ZNF318: variants seen among roughly 807,000 people sequenced by gnomAD.
ZNF318 encodes the protein zinc finger protein 318, also known as endocrine regulator.
A neutral mutation model predicts 124.2 loss-of-function variants in ZNF318; 51 were observed. The ratio of observed to expected loss-of-function variants is 0.41; its 90% CI spans 0.33 to 0.52. The LOEUF (loss-of-function observed/expected upper bound fraction) is 0.52, where lower values mean the gene tolerates loss of function less well. ZNF318 is among the 20% of genes least tolerant of loss of function. ZNF318 has a pLI of 0.23. For missense variants in ZNF318, 2,815 were observed against 2,811.2 expected, an observed-to-expected ratio of 1.00 and a Z score of -0.03; for synonymous variants, 1,090 against 1,040.7, an observed-to-expected ratio of 1.05 and a Z score of -0.91.
In ZNF318 at chr6:43,344,319, C is replaced by T. The variant is rs141473544; in HGVS notation, c.3073-1440G>A. 5.1e-4 allele frequency among the ~76,000 whole-genome samples: 77 copies of T among 152,206 alleles called. No homozygotes were observed. The East Asian group carries it at 0.015, about 29-fold the overall frequency. ...TTACATACCTCAAAATACTGTATAC[C>T]CTTTAACCCAGCAATTCACTCCTTG... On this transcript the variant is annotated intron_variant, in intron 6 of 9. Coordinates refer to ENST00000361428, the MANE Select transcript of ZNF318 (RefSeq NM_014345.3).
intron 2 of ZNF318, among the ~76,000 whole-genome samples, chr6:43,362,516 G>GTAT (rs1779695545): frequency 1.1e-5 from 1 of 88,942 alleles, no homozygotes; most frequent in African/African-American, 4.3e-5. Context: ...CTACATACAC[G>GTAT]TCTTTTTTTT....
chr6:43,354,571 G>T, intron 4 of ZNF318, 93 bp downstream of exon 4: 1 of 1,187,986 alleles, frequency 8.4e-7, no homozygotes, highest in Non-Finnish European at 1.2e-6. Context: ...AAGTGAAAGA[G>T]CCTTACAAAT....
At position 43,339,636 on chromosome 6, in the gene ZNF318, TGGTGGAGGTGGTGGA is replaced by T; in HGVS notation, c.4347_4361del (p.Pro1452_Pro1456del). On this transcript the variant is annotated inframe_deletion, in exon 10 of 10. Coordinates refer to ENST00000361428, the MANE Select transcript of ZNF318 (RefSeq NM_014345.3). The surrounding 1 kb of genome is among the most constrained non-coding windows in gnomAD (Gnocchi z 4.2). ...CAGCTGGATGAGGTATAACGGGGGG[TGGTGGAGGTGGTGGA>T]GGTGGGGGTGGTGGAGGAGGTGGTA... 3 of 1,137,098 alleles carry T rather than the reference TGGTGGAGGTGGTGGA, an allele frequency of 2.6e-6. No individual in the cohort carries two copies. The highest frequency in any genetic ancestry group is 3.6e-6 in the Non-Finnish European group (3 of 841,158). The allele number at this position is 1,137,098 out of a possible 1,614,324, so 70.4% of individuals were successfully genotyped here.
chr6:43,338,023 G>A lies in ZNF318; in HGVS notation c.5975C>T (p.Thr1992Ile). The A allele has an allele frequency of 6.2e-7, 1 of 1,614,124 alleles. No individual in the cohort carries two copies. The highest frequency in any genetic ancestry group is 8.5e-7 in the Non-Finnish European group (1 of 1,180,022). Residue 1992 changes from threonine (T) to isoleucine (I), a missense_variant, in exon 10 of 10, where the codon ACA (threonine) becomes ATA (isoleucine). Around this residue, in one of 4 missense-constraint regions of ZNF318, gnomAD observed 927 missense variants for 820.6 expected, o/e 1.13. Transcript: ENST00000361428. ...GTCTTCTAGGGCCTTGCTTTCTATT[G>A]TCACTGTTAACTCTGGATGGACATC... ...LQDVHPELTV[T>I]IESKALEDFE... is the part of the protein sequence containing the mutation.
At position 43,339,486 on chromosome 6, in the gene ZNF318, G is replaced by A. The variant is rs778728922; in HGVS notation, c.4512C>T (p.Ile1504=). 2 of 1,614,144 alleles carry A rather than the reference G, an allele frequency of 1.2e-6. No individual in the cohort carries two copies. The highest frequency in any genetic ancestry group is 8.5e-7 in the Non-Finnish European group (1 of 1,180,032). Residue 1504 remains isoleucine, a synonymous_variant, in exon 10 of 10, where the codon ATC becomes ATT. Transcript: ENST00000361428. This position sits in a 1 kb window ranked among gnomAD's most constrained non-coding sequence, Gnocchi z 4.2. ...TGGCAGCTGGCTGTGCTGAGGCCAT[G>A]ATGGCTACAGGCAACACTGGGTTCA... is the stretch of plus-strand genomic sequence containing the variant. The part of the protein sequence containing the change: ...NILNPVLPVA[I]MASAQPAAIP...
At chr6:43,348,890 C>T (rs1171174052) in intron 5 of ZNF318, among the ~76,000 whole-genome samples, 6 of 151,958 alleles carry the variant, frequency 3.9e-5, no homozygotes, top group African/African-American at 9.7e-5. Context: ...AAAAATTAGC[C>T]GGGCATGGGG....
At chr6:43,346,561 T>C (rs1039439957) in intron 6 of ZNF318, among the ~76,000 whole-genome samples, 14 of 144,098 alleles carry the variant, frequency 9.7e-5, no homozygotes, top group African/African-American at 3.6e-4. Flanking sequence ...TCTCATTTAG[T>C]GGAGACAGAC....
At position 43,338,520 on chromosome 6, in the gene ZNF318, G is replaced by A. The variant is rs1489509689; in HGVS notation, c.5478C>T (p.Pro1826=). Residue 1826 remains proline, a synonymous_variant, in exon 10 of 10, where the codon CCC becomes CCT. Coordinates refer to ENST00000361428, the MANE Select transcript of ZNF318 (RefSeq NM_014345.3). The part of the protein sequence containing the change: ...RYMWEGEVKQ[P]NLLMIDKEAE... The stretch of plus-strand genomic sequence containing the variant: ...CCTCTTTGTCAATCATTAGCAAGTT[G>A]GGCTGTTTTACTTCTCCCTCCCACA... 5 of 1,614,100 alleles carry A rather than the reference G, an allele frequency of 3.1e-6. No individual in the cohort carries two copies. In the South Asian group the frequency reaches 5.5e-5, roughly 18 times the overall value.
chr6:43,348,494 T>TTTCTGCCTC lies in ZNF318; in HGVS notation c.2893_2901dup (p.Glu965_Glu967dup). 1 of 1,614,178 alleles carries TTTCTGCCTC rather than the reference T, an allele frequency of 6.2e-7. No individual in the cohort carries two copies. Among genetic ancestry groups the TTTCTGCCTC allele is most frequent in the African/African-American group, 1.3e-5 (1 of 75,044 alleles). On this transcript the variant is annotated inframe_insertion, in exon 6 of 10. Coordinates refer to ENST00000361428, the MANE Select transcript of ZNF318 (RefSeq NM_014345.3). ...ACTTTGTCCAGTTCAGATTGCTTCT[T>TTTCTGCCTC]TTCTGCCTCTTCTGCCTCTTGCCGT...
chr6:43,365,551 A>G, intron 1 of ZNF318, 111 bp from the exon 2 acceptor site: 1 of 1,087,226 alleles, frequency 9.2e-7, no homozygotes, highest in Non-Finnish European at 1.3e-6. Flanking sequence ...TCATGCCTGT[A>G]TACCCAACAC....
intron 6 of ZNF318, among the ~76,000 whole-genome samples, chr6:43,343,827 C>A (rs1325165132): frequency 3.3e-4 from 34 of 101,928 alleles, no homozygotes; most frequent in Admixed American, 7.7e-4. Flanking sequence ...GACCCTGTCT[C>A]AAAAAAAAAA....
chr6:43,361,792 C>T (rs1408649136), intron 2 of ZNF318, among the ~76,000 whole-genome samples: 3 of 152,068 alleles, frequency 2.0e-5, no homozygotes, highest in African/African-American at 4.8e-5. Context: ...GGCTATCATC[C>T]AAACCTGATA....
chr6:43,337,068 A>C lies in ZNF318; in HGVS notation c.*90T>G, dbSNP rs1779289808. On this transcript the variant is annotated 3_prime_UTR_variant, in exon 10 of 10. Transcript: ENST00000361428. ...GACTGCATCTCTTGGTGTAGGTTCC[A>C]GATGAGATAACAAACTAGTCTTGGA... is the stretch of plus-strand genomic sequence containing the variant. The C allele has an allele frequency of 7.9e-7, 1 of 1,265,602 alleles. No homozygotes were observed. Among genetic ancestry groups the C allele is most frequent in the Admixed American group, 2.8e-5 (1 of 35,556 alleles). 78.4% of individuals were successfully genotyped at this position (1,265,602 alleles called of 1,614,324 possible).
chr6:43,357,924 G>T (rs1292418331), intron 2 of ZNF318, among the ~76,000 whole-genome samples, 159 bp from the exon 3 acceptor site: 1 of 152,164 alleles, frequency 6.6e-6, no homozygotes, highest in East Asian at 1.9e-4. Flanking sequence ...TTCCCCAGGG[G>T]AACAAGCAGC....
chr6:43,359,082 T>C (rs1385330781), intron 2 of ZNF318, among the ~76,000 whole-genome samples: 1 of 152,226 alleles, frequency 6.6e-6, no homozygotes, highest in Non-Finnish European at 1.5e-5. Flanking sequence ...CTGATTTATC[T>C]AATTAGCATG....
chr6:43,369,310 C>A lies in ZNF318; in HGVS notation c.56G>T (p.Gly19Val). ...SVSSHRPKDDGGGGPRSGRSS... is the reference protein window; with the variant it reads ...SVSSHRPKDDVGGGPRSGRSS... ...GCGGCCGCTGCGCGGGCCGCCCCCGCCGTCGTCTTTAGGCCGGTGGGAAGA... is the reference window on the plus strand; with the variant it reads ...GCGGCCGCTGCGCGGGCCGCCCCCGACGTCGTCTTTAGGCCGGTGGGAAGA... Residue 19 changes from glycine to valine, a missense_variant, in exon 1 of 10, where the codon GGC (glycine) becomes GTC (valine). Transcript: ENST00000361428. The A allele has an allele frequency of 7.4e-7, 1 of 1,348,104 alleles. No individual in the cohort carries two copies. The allele number at this position is 1,348,104 out of a possible 1,614,324, so 83.5% of individuals were successfully genotyped here. A position where few individuals can be genotyped will look rare whatever the true frequency, so the allele number is the denominator to read the frequency against.
Position 43,369,222 on chromosome 6 carries a change from G to T in ZNF318, c.144C>A (p.Ser48=). The change falls in exon 1 of 10, where the codon TCC becomes TCA. Residue 48 remains serine, a synonymous_variant. Coordinates refer to ENST00000361428, the MANE Select transcript of ZNF318 (RefSeq NM_014345.3). The part of the protein sequence containing the change: ...RSSPPPPPSG[S]SSRTPARRPR... Reference sequence around the variant, plus strand: ...GTCGGCGAGCCGGGGTCCGCGACGAGGAGCCGGAGGGCGGAGGCGGCGGTG... The same window carrying T: ...GTCGGCGAGCCGGGGTCCGCGACGATGAGCCGGAGGGCGGAGGCGGCGGTG... 8.2e-7 allele frequency: 1 copy of T among 1,218,844 alleles called. No homozygotes were observed. The allele number at this position is 1,218,844 out of a possible 1,614,324, so 75.5% of individuals were successfully genotyped here. A position where few individuals can be genotyped will look rare whatever the true frequency, so the allele number is the denominator to read the frequency against.
In ZNF318 at chr6:43,339,540, G is replaced by A. The variant is rs1376441107; in HGVS notation, c.4458C>T (p.Leu1486=). ...VKSNPVVSQT[L]SPGFVGPNIL... is the part of the protein sequence containing the mutation. Reference sequence around the variant, plus strand: ...TGTTAGGACCCACGAAGCCAGGGCTGAGAGTCTGAGATACAACTGGGTTTG... The same window carrying A: ...TGTTAGGACCCACGAAGCCAGGGCTAAGAGTCTGAGATACAACTGGGTTTG... Residue 1486 remains leucine (L), a synonymous_variant, in exon 10 of 10, where the codon CTC becomes CTT. Coordinates refer to ENST00000361428, the MANE Select transcript of ZNF318 (RefSeq NM_014345.3). This position sits in a 1 kb window ranked among gnomAD's most constrained non-coding sequence, Gnocchi z 4.2. 2.5e-6 allele frequency: 4 copies of A among 1,614,002 alleles called. No individual in the cohort carries two copies. In the Admixed American group the frequency reaches 5.0e-5, roughly 20 times the overall value.
chr6:43,347,270 G>C (rs752043654), intron 6 of ZNF318, among the ~76,000 whole-genome samples: 2 of 152,222 alleles, frequency 1.3e-5, no homozygotes, highest in Non-Finnish European at 2.9e-5. Context: ...GGCATGAAAT[G>C]AGGTTGAGGA....
Sources: allele counts gnomAD v4.1 joint callset (sites outside exome capture counted in the v4.1 genomes callset), GRCh38; gene constraint gnomAD v4.1.1; regional missense constraint gnomAD v4.1.1; non-coding constraint Gnocchi (gnomAD v3.1); transcripts MANE v1.5; gene names NCBI Gene and HGNC (gene_info 2026-07-23, HGNC 2026-07-21).